The following SLC9A5 variants were observed in gnomAD, a reference collection of about 807,000 sequenced individuals.
SLC9A5 encodes the protein solute carrier family 9 member A5.
In SLC9A5, 52 loss-of-function variants were observed where a neutral mutation model predicts 91.7. The observed-to-expected ratio is 0.57, with a 90% CI of 0.45 to 0.71. SLC9A5 has a LOEUF of 0.71. SLC9A5 is among the 30% of genes least tolerant of loss of function. The pLI is 0.00. For missense variants in SLC9A5, 871 were observed against 1,158.9 expected (o/e 0.75, Z 3.61); for synonymous variants, 419 against 474.5 (o/e 0.88, Z 1.52).
intron 12 of SLC9A5, among the ~76,000 whole-genome samples, chr16:67,260,941 T>C (rs771780321): frequency 2.4e-4 from 36 of 152,220 alleles, no homozygotes; most frequent in African/African-American, 4.8e-4. Context: ...CTTTCTACTG[T>C]TGAAACAGAA....
chr16:67,249,431 C>T (rs528467506), intron 1 of SLC9A5, among the ~76,000 whole-genome samples: 7 of 152,184 alleles, frequency 4.6e-5, no homozygotes, highest in Non-Finnish European at 7.4e-5. Flanking sequence ...GAAGGGCTGT[C>T]CCCCGCTCTC....
At position 67,257,518 on chromosome 16, in the gene SLC9A5, A is replaced by C. The variant is rs1378153587; in HGVS notation, c.1426-13A>C. On this transcript the variant is annotated splice_polypyrimidine_tract_variant and intron_variant, in intron 8 of 15. Coordinates refer to ENST00000299798, the MANE Select transcript of SLC9A5 (RefSeq NM_004594.3). This position sits in a 1 kb window ranked among gnomAD's most constrained non-coding sequence, Gnocchi z 5.1. ...GAGTCCTGATCCAGTCCCCCTACCC[A>C]CCCCCCTTCTAGACTTTTGACCACA... is the stretch of plus-strand genomic sequence containing the variant. 1.9e-6 allele frequency: 3 copies of C among 1,610,438 alleles called. No individual in the cohort carries two copies. The highest frequency in any genetic ancestry group is 2.7e-5 in the African/African-American group (2 of 73,860).
At chr16:67,254,568 T>C (rs1050006974) in intron 2 of SLC9A5, among the ~76,000 whole-genome samples, 2 of 152,194 alleles carry the variant, frequency 1.3e-5, no homozygotes, top group African/African-American at 4.8e-5. Flanking sequence ...GGCTACTTTT[T>C]GTATTTTTAG....
Position 67,264,696 on chromosome 16 carries a change from G to GT in SLC9A5, c.2013+175dup, listed in dbSNP as rs148854675. 2.4e-3 allele frequency among the ~76,000 whole-genome samples: 358 copies of GT among 152,314 alleles called. 12 individuals carry two copies. The East Asian group carries it at 0.064, about 27-fold the overall frequency. On this transcript the variant is annotated intron_variant, in intron 13 of 15. Transcript: ENST00000299798. ...TAGATGTTCCTGGAGTCCCAGAAGG[G>GT]TAAGGTGAGACCTTCAGAGGGGGAG... is the stretch of plus-strand genomic sequence containing the variant.
intron 2 of SLC9A5, 111 bp from the exon 3 acceptor site, chr16:67,254,910 G>A: frequency 4.8e-6 from 5 of 1,041,716 alleles, no homozygotes; most frequent in Non-Finnish European, 6.9e-6. Flanking sequence ...GTCCTCTTTG[G>A]GCTTCCTTGC....
At chr16:67,249,818 C>T (rs78323761) in intron 1 of SLC9A5, among the ~76,000 whole-genome samples, 8,486 of 152,238 alleles carry the variant, frequency 0.056, 708 homozygotes, top group African/African-American at 0.18. Flanking sequence ...TTCCGTGTAT[C>T]GGGGCCTTCC....
intron 1 of SLC9A5, among the ~76,000 whole-genome samples, chr16:67,249,476 G>T (rs780759076): frequency 6.6e-6 from 1 of 152,042 alleles, no homozygotes; most frequent in African/African-American, 2.4e-5. Context: ...TGCCCTCTCC[G>T]CTCCCCTCTT....
intron 15 of SLC9A5, 69 bp downstream of exon 15, chr16:67,266,294 T>C: frequency 6.9e-7 from 1 of 1,447,964 alleles, no homozygotes. Flanking sequence ...ACTCATGGCC[T>C]CTACTCCAGA....
chr16:67,262,228 G>A (rs754931860), intron 12 of SLC9A5: 63 of 457,236 alleles, frequency 1.4e-4, no homozygotes, highest in Non-Finnish European at 2.4e-4. Context: ...GCTGAGGACA[G>A]AGCCCTGTGG....
rs535413165 is a variant in SLC9A5 at position 67,264,793 on chromosome 16, A to T, written c.2014-247A>T. ...CTACCAAAGATGAAAAAGGCAGGAG[A>T]AAAGGAGATTCCTTTGAGGGGCAAC... On this transcript the variant is annotated intron_variant, in intron 13 of 15. Coordinates refer to ENST00000299798, the MANE Select transcript of SLC9A5 (RefSeq NM_004594.3). Among the ~76,000 whole-genome samples, 3 of 152,046 alleles carry T rather than the reference A, an allele frequency of 2.0e-5. No individual in the cohort carries two copies. In the East Asian group the frequency reaches 5.8e-4, roughly 29 times the overall value.
At position 67,255,270 on chromosome 16, in the gene SLC9A5, C is replaced by A. The variant is rs2035270330; in HGVS notation, c.654+86C>A. ...GGGTCTGCGCAGACTCAGTCCCTTC[C>A]CTTGGGTCCCCTGGGGCAGAAATAT... On this transcript the variant is annotated intron_variant, in intron 3 of 15. Transcript: ENST00000299798. This position sits in a 1 kb window ranked among gnomAD's most constrained non-coding sequence, Gnocchi z 4.9. 6.5e-7 allele frequency: 1 copy of A among 1,542,328 alleles called. No individual in the cohort carries two copies. The highest frequency in any genetic ancestry group is 8.9e-7 in the Non-Finnish European group (1 of 1,128,628).
chr16:67,256,733 G>A lies in SLC9A5; in HGVS notation c.1132+44G>A, dbSNP rs184770756. On this transcript the variant is annotated intron_variant, in intron 6 of 15. Coordinates refer to ENST00000299798, the MANE Select transcript of SLC9A5 (RefSeq NM_004594.3). The surrounding 1 kb of genome is among the most constrained non-coding windows in gnomAD (Gnocchi z 4.1). Reference sequence around the variant, plus strand: ...GCTTTCCCACTCTCCTTCCTGTCCCGCCCCTCCCTGCAGCTCATCTCCCTA... The same window carrying A: ...GCTTTCCCACTCTCCTTCCTGTCCCACCCCTCCCTGCAGCTCATCTCCCTA... The A allele has an allele frequency of 2.0e-4, 290 of 1,472,994 alleles. No individual in the cohort carries two copies. The highest frequency in any genetic ancestry group is 2.0e-3 in the African/African-American group (141 of 72,184). The allele number at this position is 1,472,994 out of a possible 1,614,324, so 91.2% of individuals were successfully genotyped here. A position where few individuals can be genotyped will look rare whatever the true frequency, so the allele number is the denominator to read the frequency against.
Position 67,256,457 on chromosome 16 carries a change from A to G in SLC9A5, c.912-12A>G. 1 of 1,597,506 alleles carries G rather than the reference A, an allele frequency of 6.3e-7. No individual in the cohort carries two copies. Among genetic ancestry groups the G allele is most frequent in the Non-Finnish European group, 8.5e-7 (1 of 1,172,150 alleles). ...CCTTCCCCACTTGCCATGTCTCTCCATCCTCTCCCAGGGTGACCATGTGTG... is the reference window on the plus strand; with the variant it reads ...CCTTCCCCACTTGCCATGTCTCTCCGTCCTCTCCCAGGGTGACCATGTGTG... On this transcript the variant is annotated splice_polypyrimidine_tract_variant and intron_variant, in intron 5 of 15. Transcript: ENST00000299798. The surrounding 1 kb of genome is among the most constrained non-coding windows in gnomAD (Gnocchi z 4.1).
chr16:67,251,008 G>A (rs995823635), intron 1 of SLC9A5, among the ~76,000 whole-genome samples: 3 of 152,220 alleles, frequency 2.0e-5, no homozygotes, highest in East Asian at 1.9e-4. Flanking sequence ...CATTTGGTGT[G>A]TGTCTAACAT....
chr16:67,253,893 C>G (rs1567407201), intron 2 of SLC9A5, among the ~76,000 whole-genome samples: 1 of 152,090 alleles, frequency 6.6e-6, no homozygotes, highest in South Asian at 2.1e-4. Flanking sequence ...TTTCCTAACC[C>G]AAGAAATTCA....
rs1597368264 is a variant in SLC9A5 at position 67,270,601 on chromosome 16, G to A, written c.2219-137G>A. The A allele has an allele frequency of 1.6e-6, 1 of 622,690 alleles. No individual in the cohort carries two copies. The highest frequency in any genetic ancestry group is 2.8e-5 in the East Asian group (1 of 36,066). The allele number at this position is 622,690 out of a possible 1,614,324, so 38.6% of individuals were successfully genotyped here. A position where few individuals can be genotyped will look rare whatever the true frequency, so the allele number is the denominator to read the frequency against. ...AGAGTAAAACAAGCTGTGGTACTTC[G>A]CCTCAGCAAGACATTCATCCGATAA... On this transcript the variant is annotated intron_variant, in intron 15 of 15. Coordinates refer to ENST00000299798, the MANE Select transcript of SLC9A5 (RefSeq NM_004594.3). The surrounding 1 kb of genome is among the most constrained non-coding windows in gnomAD (Gnocchi z 4.3).
chr16:67,256,002 C>A lies in SLC9A5; in HGVS notation c.911+72C>A. 1.3e-6 allele frequency: 2 copies of A among 1,499,614 alleles called. No homozygotes were observed. The highest frequency in any genetic ancestry group is 1.8e-6 in the Non-Finnish European group (2 of 1,101,278). 92.9% of individuals were successfully genotyped at this position (1,499,614 alleles called of 1,614,324 possible). On this transcript the variant is annotated intron_variant, in intron 5 of 15. Transcript: ENST00000299798. This position sits in a 1 kb window ranked among gnomAD's most constrained non-coding sequence, Gnocchi z 4.1. ...GAGATGGTTGCCCCTCATAGGGACA[C>A]AGGCAGGAACTTCAGGAGTCCATAG...
intron 10 of SLC9A5, among the ~76,000 whole-genome samples, chr16:67,259,266 C>CAA (rs542286400): frequency 2.4e-3 from 123 of 50,602 alleles, no homozygotes; most frequent in Middle Eastern, 0.015. Context: ...GACTGTGTCT[C>CAA]AAAAAAAAAA....
chr16:67,266,940 G>A (rs1597364036), intron 15 of SLC9A5, among the ~76,000 whole-genome samples: 1 of 127,240 alleles, frequency 7.9e-6, no homozygotes, highest in Non-Finnish European at 1.6e-5. Flanking sequence ...ATCTCACTCT[G>A]TCACCCAGGC....
Sources: gnomAD v4.1 joint callset for allele counts (sites outside exome capture counted in the v4.1 genomes callset) on GRCh38, gnomAD v4.1.1 for gene constraint, Gnocchi (gnomAD v3.1) non-coding constraint, MANE v1.5 for transcripts, NCBI Gene and HGNC (gene_info 2026-07-23, HGNC 2026-07-21) for gene names.